Variants in ADCYAP1R1 observed in about 807,000 individuals in gnomAD.
The protein encoded by ADCYAP1R1 is pituitary adenylate cyclase-activating polypeptide type I receptor.
A neutral mutation model predicts 67.6 loss-of-function variants in ADCYAP1R1; 44 were observed. The observed-to-expected ratio is 0.65, with a 90% CI of 0.51 to 0.84. ADCYAP1R1 has a LOEUF of 0.84. Among genes scored for constraint, ADCYAP1R1 ranks in the 40% least tolerant of loss-of-function variants. The pLI, the probability that ADCYAP1R1 is intolerant of heterozygous loss-of-function variation, is 0.00. For synonymous variants in ADCYAP1R1, 222 were observed against 219.6 expected (o/e 1.01, Z -0.10); for missense variants, 477 against 587.9 (o/e 0.81, Z 1.95).
At chr7:31,097,043 C>T (rs924273691) in intron 13 of ADCYAP1R1, among the ~76,000 whole-genome samples, 1 of 152,248 alleles carries the variant, frequency 6.6e-6, no homozygotes, top group Admixed American at 6.5e-5. Context: ...AGAAACTGTG[C>T]TGGATCCCCG....
chr7:31,079,161 T>C (rs1164364038), intron 4 of ADCYAP1R1, among the ~76,000 whole-genome samples: 1 of 152,184 alleles, frequency 6.6e-6, no homozygotes, highest in African/African-American at 2.4e-5. Flanking sequence ...TAGCTGTAGA[T>C]GACTTCTTTG....
chr7:31,078,141 G>C (rs1210483715), intron 4 of ADCYAP1R1, 43 bp downstream of exon 4: 2 of 1,517,428 alleles, frequency 1.3e-6, no homozygotes, highest in African/African-American at 1.4e-5. Context: ...GGCCTAGCCT[G>C]CTCCCCAAAT....
intron 13 of ADCYAP1R1, among the ~76,000 whole-genome samples, chr7:31,094,800 A>G (rs1013640075): frequency 1.3e-5 from 2 of 152,080 alleles, no homozygotes; most frequent in African/African-American, 4.8e-5. Flanking sequence ...CACATGGTTT[A>G]TACATTTAAG....
At chr7:31,065,013 C>A in intron 3 of ADCYAP1R1, 77 bp downstream of exon 3, 3 of 1,118,018 alleles carry the variant, frequency 2.7e-6, no homozygotes, top group Non-Finnish European at 3.9e-6. Flanking sequence ...CAGGCTCGGC[C>A]AGTGAGTGGT....
In ADCYAP1R1 at chr7:31,086,643, T is replaced by A. The variant is rs927871510; in HGVS notation, c.823+106T>A. ...GAAGTGTCAGGTGAGGAGGGGCCAC[T>A]GCCCTGCCCGAGTCTAATGGCCTAG... On this transcript the variant is annotated intron_variant, in intron 10 of 15. Coordinates refer to ENST00000304166, the MANE Select transcript of ADCYAP1R1 (RefSeq NM_001118.5). The surrounding 1 kb of genome is among the most constrained non-coding windows in gnomAD (Gnocchi z 5.0). The A allele has an allele frequency of 7.3e-7, 1 of 1,365,432 alleles. No individual in the cohort carries two copies. Among genetic ancestry groups the A allele is most frequent in the Non-Finnish European group, 1.0e-6 (1 of 986,550 alleles). The allele number at this position is 1,365,432 out of a possible 1,614,324, so 84.6% of individuals were successfully genotyped here.
chr7:31,089,573 T>G (rs1443649166), intron 12 of ADCYAP1R1, among the ~76,000 whole-genome samples: 1 of 152,200 alleles, frequency 6.6e-6, no homozygotes, highest in Non-Finnish European at 1.5e-5. Context: ...ATGAATATAT[T>G]TGTGCATATC....
intron 5 of ADCYAP1R1, 130 bp downstream of exon 5, chr7:31,080,763 A>C: frequency 1.1e-6 from 1 of 932,920 alleles, no homozygotes; most frequent in Non-Finnish European, 1.7e-6. Context: ...ACTGGGTATC[A>C]GGTTCTTTCC....
At position 31,094,909 on chromosome 7, in the gene ADCYAP1R1, A is replaced by G. The variant is rs186801299; in HGVS notation, c.1046+2174A>G. On this transcript the variant is annotated intron_variant, in intron 13 of 15. Transcript: ENST00000304166. ...CAATCTCAGCAAATCTTTTTTTTTTAGAGAAAGTCAAACCTCTGCTAGTCT... is the reference window on the plus strand; with the variant it reads ...CAATCTCAGCAAATCTTTTTTTTTTGGAGAAAGTCAAACCTCTGCTAGTCT... Among the ~76,000 whole-genome samples the G allele has an allele frequency of 6.6e-3, 995 of 150,264 alleles. 3 individuals carry two copies. Among genetic ancestry groups the G allele is most frequent in the Admixed American group, 0.012 (186 of 15,172 alleles).
Position 31,084,711 on chromosome 7 carries a change from C to A in ADCYAP1R1, c.439-26C>A, listed in dbSNP as rs370207972. On this transcript the variant is annotated intron_variant, in intron 7 of 15. Coordinates refer to ENST00000304166, the MANE Select transcript of ADCYAP1R1 (RefSeq NM_001118.5). ...GCTGTGGGCAGGTCTCACATGAAGT[C>A]CTGCATGTCCTGTGCTCTGCTTCAG... 9.4e-6 allele frequency: 15 copies of A among 1,593,968 alleles called. No individual in the cohort carries two copies. In the African/African-American group the frequency reaches 2.0e-4, roughly 21 times the overall value.
intron 12 of ADCYAP1R1, among the ~76,000 whole-genome samples, chr7:31,092,355 C>T (rs1795994053): frequency 6.6e-6 from 1 of 151,912 alleles, no homozygotes; most frequent in African/African-American, 2.4e-5. Flanking sequence ...TTTCCCATCA[C>T]CCTGATCCTG....
chr7:31,100,918 C>T (rs1207796512), intron 13 of ADCYAP1R1, among the ~76,000 whole-genome samples: 1 of 152,218 alleles, frequency 6.6e-6, no homozygotes, highest in Non-Finnish European at 1.5e-5. Context: ...CTCTGATGCC[C>T]TTCTTGGTAT....
intron 13 of ADCYAP1R1, among the ~76,000 whole-genome samples, chr7:31,096,093 G>A (rs185465814): frequency 1.9e-4 from 29 of 152,254 alleles, no homozygotes; most frequent in African/African-American, 7.0e-4. Flanking sequence ...CTGTGAGCAG[G>A]TAACTGGTTC....
chr7:31,103,497 C>T, intron 14 of ADCYAP1R1, 131 bp downstream of exon 14: 1 of 1,258,512 alleles, frequency 7.9e-7, no homozygotes, highest in Non-Finnish European at 1.1e-6. Context: ...TGAGGGAGCC[C>T]TGTCTGCTGT....
chr7:31,103,143 G>A (rs1309736418), intron 13 of ADCYAP1R1, 94 bp from the exon 14 acceptor site: 4 of 1,523,050 alleles, frequency 2.6e-6, no homozygotes, highest in Non-Finnish European at 3.5e-6. Context: ...CTTGGAGGGA[G>A]AATAAGGGAC....
intron 1 of ADCYAP1R1, among the ~76,000 whole-genome samples, chr7:31,059,940 C>G (rs963071426): frequency 2.6e-5 from 4 of 151,918 alleles, no homozygotes; most frequent in African/African-American, 9.7e-5. Flanking sequence ...AGGGGGTGGA[C>G]TGTAATGGGT....
intron 1 of ADCYAP1R1, among the ~76,000 whole-genome samples, chr7:31,053,856 C>T (rs933568244): frequency 7.2e-5 from 11 of 152,106 alleles, no homozygotes; most frequent in Non-Finnish European, 1.3e-4. Flanking sequence ...TGCAGCTGGC[C>T]AGAGGCAGAC....
chr7:31,071,956 G>GATCCATCCATCC (rs560523944), intron 3 of ADCYAP1R1, among the ~76,000 whole-genome samples: 15 of 142,600 alleles, frequency 1.1e-4, no homozygotes, highest in African/African-American at 1.9e-4. Flanking sequence ...TGTGGTAAAT[G>GATCCATCCATCC]ATCCATCCAT....
chr7:31,093,346 C>T (rs753419880), intron 13 of ADCYAP1R1, among the ~76,000 whole-genome samples: 2 of 151,906 alleles, frequency 1.3e-5, no homozygotes, highest in South Asian at 2.1e-4. Context: ...AGGGCAGCCT[C>T]TTACCATAGA....
chr7:31,099,088 G>A (rs1473164170), intron 13 of ADCYAP1R1, among the ~76,000 whole-genome samples: 1 of 152,210 alleles, frequency 6.6e-6, no homozygotes, highest in Non-Finnish European at 1.5e-5. Context: ...GGACCACTGT[G>A]GGCTGGAGAC....
Sources: allele counts gnomAD v4.1 joint callset (sites outside exome capture counted in the v4.1 genomes callset), GRCh38; gene constraint gnomAD v4.1.1; non-coding constraint Gnocchi (gnomAD v3.1); transcripts MANE v1.5; gene names NCBI Gene and HGNC (gene_info 2026-07-23, HGNC 2026-07-21).